BCKDHB: variants seen among roughly 807,000 people sequenced by gnomAD.
BCKDHB encodes branched chain keto acid dehydrogenase E1 subunit beta, also known as 2-oxoisovalerate dehydrogenase subunit beta, mitochondrial.
A neutral mutation model predicts 48.5 loss-of-function variants in BCKDHB; 41 were observed. The observed-to-expected ratio is 0.85, with a 90% CI of 0.66 to 1.10. The LOEUF (loss-of-function observed/expected upper bound fraction) is 1.10. BCKDHB is among the 50% of genes least tolerant of loss of function. The pLI is 0.00. For synonymous variants in BCKDHB, 201 were observed against 174.8 expected, an observed-to-expected ratio of 1.15 and a Z score of -1.18; for missense variants, 496 against 494.2, an observed-to-expected ratio of 1.00 and a Z score of -0.03.
At chr6:80,197,924 A>G (rs190804855) in intron 6 of BCKDHB, among the ~76,000 whole-genome samples, 2 of 147,122 alleles carry the variant, frequency 1.4e-5, no homozygotes, top group South Asian at 2.2e-4. Context: ...CCATTGATCT[A>G]TCCATCTGTT....
At chr6:80,365,833 T>A in the BCKDHB span, among the ~76,000 whole-genome samples, 2 of 152,214 alleles carry the variant, frequency 1.3e-5, no homozygotes, top group Non-Finnish European at 2.9e-5. Context: ...CAATTTATGT[T>A]CCTCTGCTGT....
chr6:80,154,538 T>G (rs1328824915), intron 3 of BCKDHB, among the ~76,000 whole-genome samples: 1 of 152,156 alleles, frequency 6.6e-6, no homozygotes, highest in Non-Finnish European at 1.5e-5. Flanking sequence ...TTAAGATAAT[T>G]TCATTCCAAT....
chr6:80,255,654 A>G (rs1777018864), intron 8 of BCKDHB, among the ~76,000 whole-genome samples: 1 of 152,204 alleles, frequency 6.6e-6, no homozygotes, highest in Non-Finnish European at 1.5e-5. Context: ...GGATTTTACC[A>G]CTGTCTTACA....
At chr6:80,374,193 C>T in the BCKDHB span, 37 of 724,944 alleles carry the variant, frequency 5.1e-5, no homozygotes, top group Non-Finnish European at 8.4e-5. Flanking sequence ...GGTCTGGCAG[C>T]ACATCTTAGA....
Position 80,108,205 on chromosome 6 carries a change from G to T in BCKDHB, c.196+1316G>T, listed in dbSNP as rs1019803354. On this transcript the variant is annotated intron_variant, in intron 1 of 9. Coordinates refer to ENST00000320393, the MANE Select transcript of BCKDHB (RefSeq NM_183050.4). ...GGAATCTAATTGATCAGATTCCAGA[G>T]CTTCCATTCTAAACAATGTACTAAG... Among the ~76,000 whole-genome samples the T allele has an allele frequency of 2.2e-4, 34 of 151,910 alleles. 1 individual carries two copies. The highest frequency in any genetic ancestry group is 6.5e-5 in the Admixed American group (1 of 15,268).
chr6:80,221,732 G>A (rs1775462528), intron 8 of BCKDHB, among the ~76,000 whole-genome samples: 1 of 152,112 alleles, frequency 6.6e-6, no homozygotes, highest in South Asian at 2.1e-4. Flanking sequence ...GAATTATTAA[G>A]TAGAAAATTG....
intron 3 of BCKDHB, among the ~76,000 whole-genome samples, chr6:80,141,015 T>C (rs1478159490): frequency 2.0e-5 from 3 of 152,216 alleles, no homozygotes; most frequent in Non-Finnish European, 4.4e-5. Flanking sequence ...ATTCAACTTC[T>C]TCCTGGTTTA....
At chr6:80,374,688 A>G in the BCKDHB span, 2 of 367,070 alleles carry the variant, frequency 5.4e-6, no homozygotes, top group South Asian at 7.3e-5. Context: ...TCTATTCACC[A>G]TGCTATTTGT....
chr6:80,247,722 A>G (rs1776672812), intron 8 of BCKDHB, among the ~76,000 whole-genome samples: 1 of 152,198 alleles, frequency 6.6e-6, no homozygotes, highest in Admixed American at 6.5e-5. Context: ...CTTACAGTGA[A>G]GGGAAATGGT....
chr6:80,139,241 C>T (rs1256293350), intron 3 of BCKDHB, among the ~76,000 whole-genome samples: 4 of 151,924 alleles, frequency 2.6e-5, no homozygotes, highest in Non-Finnish European at 5.9e-5. Context: ...AATTTTCTCC[C>T]ATTTTGTAGG....
At chr6:80,453,151 G>T in the BCKDHB span, 1 of 152,160 alleles carries the variant, frequency 6.6e-6, no homozygotes, top group African/African-American at 2.4e-5. Flanking sequence ...TTCCAACGTG[G>T]TTAAGCGGGA....
the BCKDHB span, among the ~76,000 whole-genome samples, chr6:80,391,453 G>A: frequency 6.6e-6 from 1 of 152,130 alleles, no homozygotes; most frequent in East Asian, 1.9e-4. Context: ...CTGGTGATGG[G>A]AAGAGAGCAT....
intron 6 of BCKDHB, among the ~76,000 whole-genome samples, chr6:80,183,423 G>GT (rs1474840630): frequency 6.6e-6 from 1 of 152,074 alleles, no homozygotes; most frequent in Non-Finnish European, 1.5e-5. Context: ...AGAATTTGCC[G>GT]TTTTTTAATT....
At chr6:80,377,731 T>A in the BCKDHB span, among the ~76,000 whole-genome samples, 1 of 152,248 alleles carries the variant, frequency 6.6e-6, no homozygotes, top group East Asian at 1.9e-4. Flanking sequence ...TTGATGTTGT[T>A]GTTTTGCAGT....
intron 6 of BCKDHB, among the ~76,000 whole-genome samples, chr6:80,189,138 A>G (rs1419771606): frequency 6.6e-6 from 1 of 152,250 alleles, no homozygotes; most frequent in East Asian, 1.9e-4. Flanking sequence ...CATTTAATAA[A>G]TAGATTTCTT....
chr6:80,107,460 CAT>C (rs1232538807), intron 1 of BCKDHB, among the ~76,000 whole-genome samples: 81 of 135,248 alleles, frequency 6.0e-4, no homozygotes, highest in East Asian at 5.5e-3. Context: ...TATCCACACA[CAT>C]ATATATATGT....
At chr6:80,184,558 T>C (rs1773555219) in intron 6 of BCKDHB, among the ~76,000 whole-genome samples, 1 of 152,186 alleles carries the variant, frequency 6.6e-6, no homozygotes, top group African/African-American at 2.4e-5. Context: ...AGGGAGGTTC[T>C]ATTTTGGTAT....
chr6:80,276,649 C>T (rs1197284689), intron 9 of BCKDHB, among the ~76,000 whole-genome samples: 4 of 151,470 alleles, frequency 2.6e-5, no homozygotes, highest in Non-Finnish European at 5.9e-5. Flanking sequence ...AATTCAGTGC[C>T]CACATCTTAG....
chr6:80,250,937 G>C (rs16891594), intron 8 of BCKDHB, among the ~76,000 whole-genome samples: 10,100 of 152,118 alleles, frequency 0.066, 1,142 homozygotes, highest in African/African-American at 0.23. Flanking sequence ...CAATTGCTAT[G>C]GTTTAAATGG....
Sources: allele counts gnomAD v4.1 joint callset (sites outside exome capture counted in the v4.1 genomes callset), GRCh38; gene constraint gnomAD v4.1.1; transcripts MANE v1.5; gene names NCBI Gene and HGNC (gene_info 2026-07-23, HGNC 2026-07-21).